Variants in STK32A observed in about 807,000 individuals in gnomAD.
STK32A encodes the protein serine/threonine kinase 32A, also known as serine/threonine-protein kinase 32A.
A neutral mutation model predicts 53.2 loss-of-function variants in STK32A; 41 were observed. The observed-to-expected ratio is 0.77, with a 90% CI of 0.60 to 1.00. The LOEUF (loss-of-function observed/expected upper bound fraction) is 1.00, where lower values mean the gene tolerates loss of function less well. Among genes scored for constraint, STK32A ranks in the 50% least tolerant of loss-of-function variants. The probability of loss-of-function intolerance (pLI) is 0.00; values close to 1 mark genes in which losing one functional copy is unlikely to be tolerated. For missense variants in STK32A, 458 were observed against 485.8 expected (o/e 0.94, Z 0.54); for synonymous variants, 166 against 162.8 (o/e 1.02, Z -0.15).
chr5:147,381,504 G>A (rs923486838), intron 11 of STK32A, among the ~76,000 whole-genome samples: 2 of 152,000 alleles, frequency 1.3e-5, no homozygotes, highest in African/African-American at 4.8e-5. Context: ...TTAGCTAAGT[G>A]TAGTGGTGCA....
At chr5:147,296,144 G>C (rs1331611985) in intron 4 of STK32A, among the ~76,000 whole-genome samples, 2 of 152,190 alleles carry the variant, frequency 1.3e-5, no homozygotes, top group African/African-American at 4.8e-5. Flanking sequence ...CAGTGAATCT[G>C]TATGTGTCTG....
intron 4 of STK32A, among the ~76,000 whole-genome samples, chr5:147,291,587 A>C (rs1365830738): frequency 6.6e-6 from 1 of 152,228 alleles, no homozygotes; most frequent in Non-Finnish European, 1.5e-5. Context: ...TGAATGAAAA[A>C]AATATCTATT....
At chr5:147,320,553 A>T (rs938151665) in intron 4 of STK32A, among the ~76,000 whole-genome samples, 13 of 152,324 alleles carry the variant, frequency 8.5e-5, no homozygotes, top group African/African-American at 3.1e-4. Context: ...GCATCCTGAG[A>T]TATACTGGGA....
rs1753125203 is a variant in STK32A at position 147,301,384 on chromosome 5, C to T, written c.260+21986C>T. Among the ~76,000 whole-genome samples the T allele has an allele frequency of 2.6e-5, 4 of 152,078 alleles. No individual in the cohort carries two copies. The South Asian group carries it at 8.3e-4, about 32-fold the overall frequency. ...GTGTGCATGCCTTCTTCTGAAGCACCATCTCAAGATATGTCAAATAAGTGT... is the reference window on the plus strand; with the variant it reads ...GTGTGCATGCCTTCTTCTGAAGCACTATCTCAAGATATGTCAAATAAGTGT... On this transcript the variant is annotated intron_variant, in intron 4 of 12. Coordinates refer to ENST00000397936, the MANE Select transcript of STK32A (RefSeq NM_001112724.2).
chr5:147,389,308 C>T (rs1757743816), downstream of STK32A, among the ~76,000 whole-genome samples: 2 of 152,274 alleles, frequency 1.3e-5, no homozygotes, highest in African/African-American at 4.8e-5. Context: ...TTCCTTGCAT[C>T]CATCCCTCTT....
intron 6 of STK32A, chr5:147,348,690 T>C (rs2151992283): frequency 1.3e-6 from 1 of 773,482 alleles, no homozygotes; most frequent in East Asian, 2.4e-5. Context: ...TTGTTTTTAA[T>C]ACAGATACCT....
intron 4 of STK32A, among the ~76,000 whole-genome samples, chr5:147,308,632 A>G (rs1048634937): frequency 2.0e-5 from 3 of 151,956 alleles, no homozygotes; most frequent in Non-Finnish European, 4.4e-5. Context: ...AAGGTTTTCA[A>G]TATATCAAGA....
chr5:147,296,211 G>A (rs1252134484), intron 4 of STK32A, among the ~76,000 whole-genome samples: 2 of 152,166 alleles, frequency 1.3e-5, no homozygotes, highest in Non-Finnish European at 2.9e-5. Context: ...AGGGGCATAA[G>A]GTAGAATGAA....
chr5:147,358,466 CT>C (rs1756355783), intron 7 of STK32A, among the ~76,000 whole-genome samples: 1 of 152,172 alleles, frequency 6.6e-6, no homozygotes, highest in African/African-American at 2.4e-5. Context: ...TTATAGGAAT[CT>C]CACATGTATA....
chr5:147,317,397 G>A (rs972130103), intron 4 of STK32A, among the ~76,000 whole-genome samples: 2 of 120,216 alleles, frequency 1.7e-5, no homozygotes, highest in African/African-American at 3.3e-5. Flanking sequence ...GTGTGATCTC[G>A]GCTCACTGCA....
the STK32A span, chr5:147,393,816 G>A: frequency 1.8e-6 from 1 of 564,770 alleles, no homozygotes; most frequent in Non-Finnish European, 3.2e-6. Flanking sequence ...TGGGGGGAGG[G>A]GAGTCAAACA....
intron 2 of STK32A, among the ~76,000 whole-genome samples, chr5:147,258,018 G>T (rs1754311143): frequency 2.0e-5 from 3 of 151,736 alleles, no homozygotes; most frequent in Non-Finnish European, 2.9e-5. Context: ...CTTCCTGTAT[G>T]ATTCTTATAC....
In STK32A at chr5:147,385,824, G is replaced by A. The variant is rs1757626500; in HGVS notation, c.*1841G>A. On this transcript the variant is annotated 3_prime_UTR_variant, in exon 13 of 13. Transcript: ENST00000397936. ...GTACCTAAACCTGTCCTTACTTATG[G>A]AGAGCATGTGTCACACCAAGATGGC... 6.6e-6 allele frequency: 1 copy of A among 152,190 alleles called. No individual in the cohort carries two copies. Among genetic ancestry groups the A allele is most frequent in the Non-Finnish European group, 1.5e-5 (1 of 68,044 alleles). The allele number at this position is 152,190 out of a possible 1,614,324, so 9.4% of individuals were successfully genotyped here.
At chr5:147,334,463 T>C (rs897227770) in intron 5 of STK32A, among the ~76,000 whole-genome samples, 8 of 152,218 alleles carry the variant, frequency 5.3e-5, no homozygotes, top group African/African-American at 1.9e-4. Context: ...CATTTTTAAG[T>C]GTTTTGAATA....
intron 4 of STK32A, among the ~76,000 whole-genome samples, chr5:147,298,018 A>G (rs924372227): frequency 2.6e-5 from 4 of 151,990 alleles, no homozygotes; most frequent in African/African-American, 9.7e-5. Context: ...GGGTCAAGAA[A>G]TCATCAGTGT....
At chr5:147,338,314 G>A (rs1203604126) in intron 5 of STK32A, among the ~76,000 whole-genome samples, 1 of 152,162 alleles carries the variant, frequency 6.6e-6, no homozygotes, top group Non-Finnish European at 1.5e-5. Context: ...CTCCACGTAA[G>A]AGGTGCCTTT....
chr5:147,269,648 G>C (rs1298421487), intron 2 of STK32A, among the ~76,000 whole-genome samples: 1 of 152,070 alleles, frequency 6.6e-6, no homozygotes, highest in Non-Finnish European at 1.5e-5. Flanking sequence ...TCCTCTCTGG[G>C]GAATTTATCT....
intron 4 of STK32A, among the ~76,000 whole-genome samples, chr5:147,309,418 C>A (rs1046746158): frequency 2.0e-5 from 3 of 152,048 alleles, no homozygotes; most frequent in African/African-American, 7.2e-5. Flanking sequence ...TCTAAGTATC[C>A]ATTTGAGACT....
In STK32A at chr5:147,334,948, A is replaced by G. The variant is rs564906419; in HGVS notation, c.435-8058A>G. 2.2e-4 allele frequency among the ~76,000 whole-genome samples: 33 copies of G among 152,322 alleles called. No individual in the cohort carries two copies. In the South Asian group the frequency reaches 5.4e-3, roughly 25 times the overall value. The stretch of plus-strand genomic sequence containing the variant: ...TACGCAGATATTTCCAAACCCATAT[A>G]TACTATGTTTTTTCCCTTTTGTACA... On this transcript the variant is annotated intron_variant, in intron 5 of 12. Transcript: ENST00000397936.
Sources: gnomAD v4.1 joint callset for allele counts (sites outside exome capture counted in the v4.1 genomes callset) on GRCh38, gnomAD v4.1.1 for gene constraint, MANE v1.5 for transcripts, NCBI Gene and HGNC (gene_info 2026-07-23, HGNC 2026-07-21) for gene names.